The following FOXP2 variants were observed in gnomAD, a reference collection of about 807,000 sequenced individuals.
FOXP2 encodes forkhead box protein P2.
FOXP2 carries 12 observed loss-of-function variants against 115.8 expected under a neutral mutation model. That is an observed-to-expected ratio of 0.10 (90% confidence interval 0.07 to 0.17). The LOEUF (loss-of-function observed/expected upper bound fraction) is 0.17, where lower values mean the gene tolerates loss of function less well. FOXP2 is among the 10% of genes least tolerant of loss of function. The pLI is 1.00. For missense variants in FOXP2, 629 were observed against 843.5 expected, an observed-to-expected ratio of 0.75 and a Z score of 3.15; for synonymous variants, 328 against 297.7, an observed-to-expected ratio of 1.10 and a Z score of -1.05.
chr7:114,415,803 G>A (rs1016288748), intron 1 of FOXP2, among the ~76,000 whole-genome samples: 4 of 151,926 alleles, frequency 2.6e-5, no homozygotes, highest in Non-Finnish European at 5.9e-5. Context: ...GTGCTGTGTA[G>A]AGCAGATGTT....
At chr7:114,378,196 T>A (rs910085797) in intron 2 of FOXP2, among the ~76,000 whole-genome samples, 1 of 152,202 alleles carries the variant, frequency 6.6e-6, no homozygotes, top group Non-Finnish European at 1.5e-5. Context: ...ACTTTTCTAC[T>A]AATGGGGATT....
At chr7:114,469,600 A>G (rs1473348982) in intron 2 of FOXP2, among the ~76,000 whole-genome samples, 1 of 152,204 alleles carries the variant, frequency 6.6e-6, no homozygotes, top group African/African-American at 2.4e-5. Flanking sequence ...TCTCAATTTT[A>G]TAAGTTGATG....
chr7:114,118,988 C>T (rs1245928401), intron 1 of FOXP2, among the ~76,000 whole-genome samples: 2 of 152,054 alleles, frequency 1.3e-5, no homozygotes, highest in African/African-American at 2.4e-5. Flanking sequence ...AGTGGTTGGC[C>T]ACCTTATGAT....
chr7:114,219,973 T>G (rs546523831), intron 1 of FOXP2, among the ~76,000 whole-genome samples: 3 of 151,944 alleles, frequency 2.0e-5, no homozygotes, highest in Admixed American at 2.0e-4. Context: ...TTCAAGAGAT[T>G]CTCCTGCCTC....
chr7:114,383,943 T>A (rs1792376048), intron 2 of FOXP2, among the ~76,000 whole-genome samples: 1 of 152,146 alleles, frequency 6.6e-6, no homozygotes, highest in Admixed American at 6.5e-5. Context: ...TGCTCACCAA[T>A]GTAGCAGTCC....
At chr7:114,490,230 A>C (rs1263049658) in intron 2 of FOXP2, among the ~76,000 whole-genome samples, 3 of 152,180 alleles carry the variant, frequency 2.0e-5, no homozygotes, top group African/African-American at 7.2e-5. Context: ...AGTGTTATTC[A>C]GCATTAAAAT....
intron 1 of FOXP2, among the ~76,000 whole-genome samples, chr7:114,155,645 G>T (rs958669387): frequency 1.3e-5 from 2 of 152,056 alleles, no homozygotes. Flanking sequence ...CATGTGGCAC[G>T]AAAGTATTTT....
At chr7:114,626,380 T>C (rs1293797545) in intron 3 of FOXP2, among the ~76,000 whole-genome samples, 2 of 151,782 alleles carry the variant, frequency 1.3e-5, no homozygotes, top group Admixed American at 1.3e-4. Context: ...CCCCATAAAG[T>C]TCACTTATCA....
At chr7:114,556,366 T>A (rs1800452404) in intron 3 of FOXP2, among the ~76,000 whole-genome samples, 1 of 152,094 alleles carries the variant, frequency 6.6e-6, no homozygotes, top group Non-Finnish European at 1.5e-5. Flanking sequence ...AAGCAGAAGC[T>A]GATCCAAGGG....
intron 2 of FOXP2, among the ~76,000 whole-genome samples, chr7:114,505,349 A>G (rs1340206091): frequency 6.6e-6 from 1 of 151,554 alleles, no homozygotes; most frequent in Non-Finnish European, 1.5e-5. Flanking sequence ...ACTTAGCTTA[A>G]GTGTTCAAGT....
chr7:114,336,380 A>C (rs1010580739), intron 2 of FOXP2, among the ~76,000 whole-genome samples: 1 of 151,528 alleles, frequency 6.6e-6, no homozygotes, highest in African/African-American at 2.4e-5. Flanking sequence ...CTAGGCATAA[A>C]CCTTAAACCT....
At chr7:114,518,483 C>G (rs186159092) in intron 2 of FOXP2, among the ~76,000 whole-genome samples, 2 of 151,990 alleles carry the variant, frequency 1.3e-5, no homozygotes, top group Admixed American at 6.6e-5. Flanking sequence ...GTAACAGTAA[C>G]AGCCCTTTGA....
At chr7:114,140,510 G>C (rs1275769157) in intron 1 of FOXP2, among the ~76,000 whole-genome samples, 1 of 152,080 alleles carries the variant, frequency 6.6e-6, no homozygotes, top group Non-Finnish European at 1.5e-5. Context: ...TAACCCAAGT[G>C]TTTCTTTGCA....
chr7:114,285,813 A>T (rs1215061294), intron 1 of FOXP2, among the ~76,000 whole-genome samples: 2 of 151,800 alleles, frequency 1.3e-5, no homozygotes, highest in African/African-American at 4.8e-5. Context: ...TCATTTTTCT[A>T]TTGGTTTCCT....
chr7:114,447,403 GCAAGGCTT>G (rs146690954), intron 2 of FOXP2, among the ~76,000 whole-genome samples: 5,926 of 152,150 alleles, frequency 0.039, 192 homozygotes, highest in Non-Finnish European at 0.055. Context: ...ACTGTGCCTA[GCAAGGCTT>G]ATAGAGTTTC....
rs1434116845 is a variant in FOXP2 at position 114,344,910 on chromosome 7, A to G, written c.-11+56801A>G. Reference sequence around the variant, plus strand: ...ACAAATTAAAGCTCACATGCTGTGCATTCTTTTTTTAAACCACCATTTCCC... The same window carrying G: ...ACAAATTAAAGCTCACATGCTGTGCGTTCTTTTTTTAAACCACCATTTCCC... On this transcript the variant is annotated intron_variant, in intron 2 of 17. Coordinates refer to the FOXP2 transcript ENST00000634411. Among the ~76,000 whole-genome samples, 3 of 151,874 alleles carry G rather than the reference A, an allele frequency of 2.0e-5. No individual in the cohort carries two copies. In the South Asian group the frequency reaches 6.2e-4, roughly 31 times the overall value.
chr7:114,492,898 G>T (rs990715149), intron 2 of FOXP2, among the ~76,000 whole-genome samples: 29 of 152,100 alleles, frequency 1.9e-4, no homozygotes, highest in African/African-American at 6.5e-4. Flanking sequence ...GTTGATTTGG[G>T]GTGGAGAGTT....
intron 2 of FOXP2, among the ~76,000 whole-genome samples, chr7:114,388,442 C>A (rs1792509153): frequency 6.6e-6 from 1 of 150,766 alleles, no homozygotes; most frequent in Admixed American, 6.6e-5. Context: ...AAATCATAGA[C>A]CTTCTCAGAA....
chr7:114,143,416 G>A (rs75482897), intron 1 of FOXP2, among the ~76,000 whole-genome samples: 1 of 151,978 alleles, frequency 6.6e-6, no homozygotes, highest in Non-Finnish European at 1.5e-5. Flanking sequence ...TAGCATATTA[G>A]TTAGGATGGG....
Sources: gnomAD v4.1 joint callset for allele counts (sites outside exome capture counted in the v4.1 genomes callset) on GRCh38, gnomAD v4.1.1 for gene constraint, MANE v1.5 for transcripts, NCBI Gene and HGNC (gene_info 2026-07-23, HGNC 2026-07-21) for gene names.